Variants in WDR33 observed in about 807,000 individuals in gnomAD.
The protein encoded by WDR33 is WD repeat domain 33.
WDR33 carries 47 observed loss-of-function variants against 164.9 expected under a neutral mutation model. The observed-to-expected ratio is 0.29, with a 90% CI of 0.23 to 0.36. The LOEUF is 0.36. Ranked by LOEUF, WDR33 falls within the 10% of genes least tolerant of loss-of-function variation. WDR33 has a pLI of 1.00. For missense variants in WDR33, 1,137 were observed against 1,754.1 expected (o/e 0.65, Z 6.28); for synonymous variants, 505 against 589.0 (o/e 0.86, Z 2.06).
intron 7 of WDR33, among the ~76,000 whole-genome samples, chr2:127,732,841 A>G (rs1412128494): frequency 4.6e-5 from 7 of 152,228 alleles, no homozygotes; most frequent in Non-Finnish European, 8.8e-5. Context: ...ATAGAAAAAA[A>G]TGATTAAGTA....
chr2:127,729,507 T>G (rs980357445), intron 7 of WDR33, among the ~76,000 whole-genome samples: 4 of 152,096 alleles, frequency 2.6e-5, no homozygotes, highest in Non-Finnish European at 5.9e-5. Context: ...TTTTTTTTTT[T>G]TTGAGATGGA....
At chr2:127,753,022 G>C (rs1687417505) in intron 7 of WDR33, among the ~76,000 whole-genome samples, 1 of 152,204 alleles carries the variant, frequency 6.6e-6, no homozygotes. Flanking sequence ...TGCCTCCTGG[G>C]TTCAAGCAAT....
In WDR33 at chr2:127,701,713, C is replaced by T. The variant is rs1685886509; in HGVS notation, c.*4610G>A. 1 of 1,339,362 alleles carries T rather than the reference C, an allele frequency of 7.5e-7. No homozygotes were observed. 83.0% of individuals were successfully genotyped at this position (1,339,362 alleles called of 1,614,324 possible). A position where few individuals can be genotyped will look rare whatever the true frequency, so the allele number is the denominator to read the frequency against. On this transcript the variant is annotated 3_prime_UTR_variant, in exon 22 of 22. Transcript: ENST00000322313. The stretch of plus-strand genomic sequence containing the variant: ...GCGCGGAGCCCTGCGGAGTCGGCAG[C>T]GGCCGGCCTGACGTGCCTCCCGAGC...
At chr2:127,751,482 T>C (rs1176215769) in intron 7 of WDR33, among the ~76,000 whole-genome samples, 1 of 148,512 alleles carries the variant, frequency 6.7e-6, no homozygotes, top group African/African-American at 2.5e-5. Context: ...GGCCAGGAGT[T>C]TGAGGTTATG....
At chr2:127,750,714 G>GCATACATATA (rs1558937020) in intron 7 of WDR33, among the ~76,000 whole-genome samples, 25 of 33,316 alleles carry the variant, frequency 7.5e-4, no homozygotes, top group African/African-American at 3.4e-3. Flanking sequence ...ATATATATAT[G>GCATACATATA]TATGTATGCA....
At position 127,763,579 on chromosome 2, in the gene WDR33, TCATGAAATAAGCTGAAA is replaced by T; in HGVS notation, c.627-437_627-421del. Reference sequence around the variant, plus strand: ...ATCATCAGCTTCTGCCTCAGACACTTCATGAAATAAGCTGAAACAATGTGGGCTGTCTATTAAAAGAC... The same window carrying T: ...ATCATCAGCTTCTGCCTCAGACACTTCAATGTGGGCTGTCTATTAAAAGAC... On this transcript the variant is annotated intron_variant, in intron 6 of 21. Coordinates refer to ENST00000322313, the MANE Select transcript of WDR33 (RefSeq NM_018383.5). The surrounding 1 kb of genome is among the most constrained non-coding windows in gnomAD (Gnocchi z 4.5). The T allele has an allele frequency of 1.0e-6, 1 of 1,003,030 alleles. No homozygotes were observed. Among genetic ancestry groups the T allele is most frequent in the Non-Finnish European group, 1.2e-6 (1 of 840,622 alleles). The allele number at this position is 1,003,030 out of a possible 1,614,324, so 62.1% of individuals were successfully genotyped here.
chr2:127,719,465 C>T lies in WDR33; in HGVS notation c.2560G>A (p.Gly854Arg), dbSNP rs1686376038. Residue 854 changes from glycine to arginine, a missense_variant, in exon 16 of 22, where the codon GGG becomes AGG. By Grantham distance (125) the Gly-to-Arg change is moderately radical. This residue lies in a region of WDR33 where 867 missense variants were observed against 1,073.0 expected (regional missense o/e 0.81). Transcript: ENST00000322313. The surrounding 1 kb of genome is among the most constrained non-coding windows in gnomAD (Gnocchi z 6.5). ...SMLGPPQELR[G>R]PPGSQSQQGP... ...TGCTGACTTTGTGAGCCTGGAGGCC[C>T]TCGCAATTCCTGGGGAGGTCCCAGC... 6.3e-7 allele frequency: 1 copy of T among 1,589,912 alleles called. No individual in the cohort carries two copies.
chr2:127,740,112 G>C (rs1354684852), intron 7 of WDR33, among the ~76,000 whole-genome samples: 1 of 152,124 alleles, frequency 6.6e-6, no homozygotes, highest in African/African-American at 2.4e-5. Flanking sequence ...TACTTTTAAT[G>C]TAAGTACTGA....
At chr2:127,777,889 G>A (rs953965935) in intron 1 of WDR33, among the ~76,000 whole-genome samples, 4 of 152,120 alleles carry the variant, frequency 2.6e-5, no homozygotes, top group South Asian at 2.1e-4. Context: ...TGGGATTATA[G>A]GCATAAGCCA....
rs1277768625 is a variant in WDR33, at chr2:127,724,133, C to T, written c.1196+200G>A. Among the ~76,000 whole-genome samples the T allele has an allele frequency of 6.6e-6, 1 of 152,088 alleles. No individual in the cohort carries two copies. The highest frequency in any genetic ancestry group is 1.5e-5 in the Non-Finnish European group (1 of 68,010). ...TTCTGTTTTAAGTCAGAAGGCAAAA[C>T]AAAATTTGAATAGCCAAAACCATAT... is the stretch of plus-strand genomic sequence containing the variant. On this transcript the variant is annotated intron_variant, in intron 11 of 21. Coordinates refer to ENST00000322313, the MANE Select transcript of WDR33 (RefSeq NM_018383.5). This position sits in a 1 kb window ranked among gnomAD's most constrained non-coding sequence, Gnocchi z 4.8.
At position 127,725,201 on chromosome 2, in the gene WDR33, T is replaced by C; in HGVS notation, c.866A>G (p.Asn289Ser). Residue 289 changes from asparagine (N) to serine (S), a missense_variant, in exon 9 of 22, where the codon AAC becomes AGC. Around this residue, in one of 9 missense-constraint regions of WDR33, gnomAD observed 83 missense variants for 189.2 expected, o/e 0.44. Transcript: ENST00000322313. The part of the protein sequence containing the change: ...QSLATLHAHK[N>S]TVMEVKLNLN... Reference sequence around the variant, plus strand: ...GTTTAATTTCACTTCCATTACTGTGTTTTTATGGGCATGACTAGAAACAAA... The same window carrying C: ...GTTTAATTTCACTTCCATTACTGTGCTTTTATGGGCATGACTAGAAACAAA... 1.2e-6 allele frequency: 2 copies of C among 1,606,198 alleles called. No homozygotes were observed. The highest frequency in any genetic ancestry group is 1.7e-6 in the Non-Finnish European group (2 of 1,178,068).
In WDR33 at chr2:127,701,835, C is replaced by A; in HGVS notation, c.*4488G>T. 6.9e-7 allele frequency: 1 copy of A among 1,459,158 alleles called. No homozygotes were observed. Among genetic ancestry groups the A allele is most frequent in the Non-Finnish European group, 9.0e-7 (1 of 1,110,090 alleles). The allele number at this position is 1,459,158 out of a possible 1,614,324, so 90.4% of individuals were successfully genotyped here. ...CGCGCTCTACGCACCGGTGTTGCTG[C>A]TGCGCGCGCGCAAGTTCGCGCTGCT... On this transcript the variant is annotated 3_prime_UTR_variant, in exon 22 of 22. Coordinates refer to ENST00000322313, the MANE Select transcript of WDR33 (RefSeq NM_018383.5).
At chr2:127,786,639 G>A (rs1438914267) in intron 1 of WDR33, among the ~76,000 whole-genome samples, 1 of 152,138 alleles carries the variant, frequency 6.6e-6, no homozygotes, top group Non-Finnish European at 1.5e-5. Context: ...AGCCAAGATT[G>A]CGTCACTGCA....
rs968100038 is a variant in WDR33 at position 127,709,349 on chromosome 2, G to A, written c.3565+141C>T. On this transcript the variant is annotated intron_variant, in intron 20 of 21. Coordinates refer to ENST00000322313, the MANE Select transcript of WDR33 (RefSeq NM_018383.5). This position sits in a 1 kb window ranked among gnomAD's most constrained non-coding sequence, Gnocchi z 5.0. Reference sequence around the variant, plus strand: ...TCCACCTGCTGAGATCAAGTGCTGCGGCTGCAGGACAGGAGACAGCCCAGC... The same window carrying A: ...TCCACCTGCTGAGATCAAGTGCTGCAGCTGCAGGACAGGAGACAGCCCAGC... 49 of 742,146 alleles carry A rather than the reference G, an allele frequency of 6.6e-5. 1 individual carries two copies. Among genetic ancestry groups the A allele is most frequent in the South Asian group, 4.0e-4 (24 of 59,802 alleles). The allele number at this position is 742,146 out of a possible 1,614,324, so 46.0% of individuals were successfully genotyped here. A position where few individuals can be genotyped will look rare whatever the true frequency, so the allele number is the denominator to read the frequency against.
Position 127,770,748 on chromosome 2 carries a change from G to A in WDR33, c.204+30C>T. 10 of 1,342,868 alleles carry A rather than the reference G, an allele frequency of 7.4e-6. No homozygotes were observed. Among genetic ancestry groups the A allele is most frequent in the South Asian group, 1.6e-5 (1 of 61,696 alleles). 83.2% of individuals were successfully genotyped at this position (1,342,868 alleles called of 1,614,324 possible). ...ATAAATAAATAAATAACCAAAGTTT[G>A]GTCATCTGAAGCACATAAATCAGGC... On this transcript the variant is annotated intron_variant, in intron 2 of 21. Coordinates refer to ENST00000322313, the MANE Select transcript of WDR33 (RefSeq NM_018383.5). The surrounding 1 kb of genome is among the most constrained non-coding windows in gnomAD (Gnocchi z 4.9).
In WDR33 at chr2:127,726,264, C is replaced by G. The variant is rs996197349; in HGVS notation, c.851+387G>C. ...AAGTGGTTCAAAACCAGAAGAAAAC[C>G]CTCTCGAAACAGATGTTGTGAGATG... is the stretch of plus-strand genomic sequence containing the variant. On this transcript the variant is annotated intron_variant, in intron 8 of 21. Coordinates refer to ENST00000322313, the MANE Select transcript of WDR33 (RefSeq NM_018383.5). This position sits in a 1 kb window ranked among gnomAD's most constrained non-coding sequence, Gnocchi z 4.8. 2.0e-5 allele frequency among the ~76,000 whole-genome samples: 3 copies of G among 152,050 alleles called. No individual in the cohort carries two copies. The highest frequency in any genetic ancestry group is 6.5e-5 in the Admixed American group (1 of 15,268).
intron 8 of WDR33, 72 bp from the exon 9 acceptor site, chr2:127,725,287 A>C: frequency 6.9e-7 from 1 of 1,442,240 alleles, no homozygotes; most frequent in Non-Finnish European, 9.3e-7. Context: ...TTTTTGTTGA[A>C]AAGCGAATTA....
At position 127,701,436 on chromosome 2, in the gene WDR33, T is replaced by G; in HGVS notation, c.*4887A>C. 8.4e-7 allele frequency: 1 copy of G among 1,187,760 alleles called. No individual in the cohort carries two copies. Among genetic ancestry groups the G allele is most frequent in the Non-Finnish European group, 1.1e-6 (1 of 947,068 alleles). 73.6% of individuals were successfully genotyped at this position (1,187,760 alleles called of 1,614,324 possible). On this transcript the variant is annotated 3_prime_UTR_variant, in exon 22 of 22. Coordinates refer to ENST00000322313, the MANE Select transcript of WDR33 (RefSeq NM_018383.5). ...GCCGCAGGCCCTGCCCCTTTCGCCG[T>G]CGCCGACCAATTGCCGCCCGAAGAC...
At chr2:127,707,127 G>A (rs1189234971) in intron 21 of WDR33, among the ~76,000 whole-genome samples, 1 of 151,282 alleles carries the variant, frequency 6.6e-6, no homozygotes, top group Non-Finnish European at 1.5e-5. Context: ...TGGCTTTCAG[G>A]TTCTATCACC....
Sources: gnomAD v4.1 joint callset for allele counts (sites outside exome capture counted in the v4.1 genomes callset) on GRCh38, gnomAD v4.1.1 for gene constraint, gnomAD v4.1.1 regional missense constraint, Gnocchi (gnomAD v3.1) non-coding constraint, MANE v1.5 for transcripts, NCBI Gene and HGNC (gene_info 2026-07-23, HGNC 2026-07-21) for gene names.